The following HOXC4 variants were observed in gnomAD, a reference collection of about 807,000 sequenced individuals.
HOXC4 encodes the protein homeobox protein Hox-C4.
A neutral mutation model predicts 25.5 loss-of-function variants in HOXC4; 15 were observed. The ratio of observed to expected loss-of-function variants is 0.59; its 90% CI spans 0.39 to 0.91. The LOEUF is 0.91. HOXC4 is among the 40% of genes least tolerant of loss of function. The pLI is 0.00. For synonymous variants in HOXC4, 165 were observed against 148.0 expected (o/e 1.11, Z -0.83); for missense variants, 342 against 352.4 (o/e 0.97, Z 0.24).
At chr12:54,049,763 C>T (rs955235994), upstream of HOXC4, among the ~76,000 whole-genome samples, 166 of 149,340 alleles carry the variant, frequency 1.1e-3, no homozygotes, top group African/African-American at 4.0e-3. Flanking sequence ...CACACACACA[C>T]ACACACACAC....
chr12:54,044,253 T>C (rs576717929), intron 1 of HOXC4, among the ~76,000 whole-genome samples: 1 of 152,158 alleles, frequency 6.6e-6, no homozygotes, highest in South Asian at 2.1e-4. Context: ...CCTTCCCCAG[T>C]AAACTAAAGG....
intron 1 of HOXC4, 142 bp downstream of exon 1, chr12:54,054,503 A>C: frequency 1.6e-6 from 1 of 629,694 alleles, no homozygotes; most frequent in Non-Finnish European, 2.8e-6. Flanking sequence ...AGCACAATTG[A>C]ACTGGATTTA....
At chr12:54,033,962 G>A (rs1395540215) in intron 1 of HOXC4, 13 of 529,128 alleles carry the variant, frequency 2.5e-5, no homozygotes, top group Non-Finnish European at 4.4e-5. Context: ...CGGGAGGGGC[G>A]GGAGGGGGGT....
rs1290863934 is a variant in HOXC4, at chr12:54,055,568, G to A, written c.*363G>A. ...GATGGTCTGGCTTGGGTGAATTTCAGGGGAAATGAGGAAAAGAAAAAAGGA... is the reference window on the plus strand; with the variant it reads ...GATGGTCTGGCTTGGGTGAATTTCAAGGGAAATGAGGAAAAGAAAAAAGGA... On this transcript the variant is annotated 3_prime_UTR_variant, in exon 2 of 2. Coordinates refer to ENST00000430889, the MANE Select transcript of HOXC4 (RefSeq NM_153633.3). 6.6e-6 allele frequency: 1 copy of A among 152,256 alleles called. No individual in the cohort carries two copies. Among genetic ancestry groups the A allele is most frequent in the African/African-American group, 2.4e-5 (1 of 41,290 alleles). 9.4% of individuals were successfully genotyped at this position (152,256 alleles called of 1,614,324 possible).
At chr12:54,034,099 G>A in intron 1 of HOXC4, 1 of 724,070 alleles carries the variant, frequency 1.4e-6, no homozygotes. Flanking sequence ...TCCTGCCTGG[G>A]CGGAGGCGCC....
intron 1 of HOXC4, among the ~76,000 whole-genome samples, chr12:54,027,731 G>A (rs1189961446): frequency 6.6e-6 from 1 of 152,178 alleles, no homozygotes; most frequent in African/African-American, 2.4e-5. Context: ...GAGCCAGGAG[G>A]CAAAGGAGAG....
chr12:54,043,632 C>T (rs1941311233), intron 1 of HOXC4, among the ~76,000 whole-genome samples: 2 of 148,208 alleles, frequency 1.3e-5, no homozygotes, highest in African/African-American at 4.9e-5. Flanking sequence ...AGTTTCCTTC[C>T]TTCTGCCTTT....
chr12:54,026,471 T>C (rs933441967), intron 1 of HOXC4, among the ~76,000 whole-genome samples: 2 of 152,368 alleles, frequency 1.3e-5, no homozygotes, highest in Admixed American at 6.5e-5. Context: ...AAATTTTTTT[T>C]CTTAATTTAA....
intron 1 of HOXC4, among the ~76,000 whole-genome samples, chr12:54,032,367 C>T (rs1037398988): frequency 1.3e-5 from 2 of 152,254 alleles, no homozygotes; most frequent in Non-Finnish European, 2.9e-5. Flanking sequence ...TCTACTTTCT[C>T]TTGCTGATAG....
At chr12:54,033,085 C>A in intron 1 of HOXC4, 2 of 1,548,348 alleles carry the variant, frequency 1.3e-6, no homozygotes, top group South Asian at 2.3e-5. Flanking sequence ...CACCCTTAAT[C>A]AAAAAGGGTG....
At chr12:54,024,788 T>C (rs886795274) in intron 1 of HOXC4, among the ~76,000 whole-genome samples, 5 of 151,998 alleles carry the variant, frequency 3.3e-5, no homozygotes, top group African/African-American at 9.7e-5. Flanking sequence ...CAGGCTGCAA[T>C]GCCACCCTTA....
chr12:54,038,055 C>G (rs750827648), intron 1 of HOXC4: 2 of 152,136 alleles, frequency 1.3e-5, no homozygotes, highest in Non-Finnish European at 1.5e-5. Context: ...ACCCTTTCTC[C>G]CATTTACCTA....
At position 54,037,180 on chromosome 12, in the gene HOXC4, G is replaced by A. The variant is rs557190981; in HGVS notation, c.-123-15980G>A. Among the ~76,000 whole-genome samples the A allele has an allele frequency of 2.3e-3, 343 of 152,342 alleles. 2 individuals carry two copies. Among genetic ancestry groups the A allele is most frequent in the Middle Eastern group, 6.8e-3 (2 of 294 alleles). On this transcript the variant is annotated intron_variant, in intron 1 of 3. Transcript: ENST00000303406. ...GTCGGGAGTCAGCGGCGGCAACCAA[G>A]CCAGAGGCCTCGTACCTACTTCCCT...
At chr12:54,038,854 G>A (rs1941228379) in intron 1 of HOXC4, among the ~76,000 whole-genome samples, 1 of 152,236 alleles carries the variant, frequency 6.6e-6, no homozygotes, top group East Asian at 1.9e-4. Context: ...CCAACCTTAA[G>A]GACAGAGTAG....
intron 1 of HOXC4, chr12:54,034,045 C>G (rs767812829): frequency 1.0e-5 from 7 of 699,816 alleles, no homozygotes; most frequent in African/African-American, 7.0e-5. Flanking sequence ...CCCAACCCCC[C>G]CTCAGCCCCT....
rs367718817 is a variant in HOXC4 at position 54,024,167 on chromosome 12, G to A, written c.-124+6753G>A. 9.2e-5 allele frequency among the ~76,000 whole-genome samples: 14 copies of A among 152,296 alleles called. No homozygotes were observed. In the East Asian group the frequency reaches 9.7e-4, roughly 11 times the overall value. ...GGCTTTCTCCGTAAGAGGGATTTTA[G>A]CCCTCGCCCAGTGGCACAAAAGGGG... is the stretch of plus-strand genomic sequence containing the variant. On this transcript the variant is annotated intron_variant, in intron 1 of 3. Coordinates refer to the HOXC4 transcript ENST00000303406.
chr12:54,053,078 G>A (rs2136466926), upstream of HOXC4: 1 of 152,552 alleles, frequency 6.6e-6, no homozygotes, highest in East Asian at 1.9e-4. Flanking sequence ...TCTGGGGCTG[G>A]GGCAGGGAGG....
intron 1 of HOXC4, among the ~76,000 whole-genome samples, chr12:54,040,171 C>T (rs189473104): frequency 2.6e-4 from 40 of 152,288 alleles, no homozygotes; most frequent in African/African-American, 9.6e-4. Context: ...TGGAGTGTCT[C>T]TGGAGCGGAG....
intron 1 of HOXC4, among the ~76,000 whole-genome samples, chr12:54,046,330 C>G (rs1443638502): frequency 2.0e-5 from 3 of 152,144 alleles, no homozygotes; most frequent in Admixed American, 2.0e-4. Context: ...ATGATTGCTA[C>G]AGATGCCAAC....
Sources: gnomAD v4.1 joint callset for allele counts (sites outside exome capture counted in the v4.1 genomes callset) on GRCh38, gnomAD v4.1.1 for gene constraint, MANE v1.5 for transcripts, NCBI Gene and HGNC (gene_info 2026-07-23, HGNC 2026-07-21) for gene names.